The following ANKRD2 variants were observed in gnomAD, a reference collection of about 807,000 sequenced individuals.
ANKRD2 encodes ankyrin repeat domain-containing protein 2.
ANKRD2 carries 35 observed loss-of-function variants against 37.3 expected under a neutral mutation model. The ratio of observed to expected loss-of-function variants is 0.94; its 90% CI spans 0.72 to 1.24. The LOEUF is 1.24. Among genes scored for constraint, ANKRD2 ranks in the 50% most tolerant of loss-of-function variants. The pLI, the probability that ANKRD2 is intolerant of heterozygous loss-of-function variation, is 0.00. For synonymous variants in ANKRD2, 159 were observed against 186.5 expected (o/e 0.85, Z 1.20); for missense variants, 410 against 445.6 (o/e 0.92, Z 0.72).
chr10:97,574,700 G>A (rs987196971), intron 1 of ANKRD2, among the ~76,000 whole-genome samples: 2 of 152,134 alleles, frequency 1.3e-5, no homozygotes. Context: ...ACTGAATGAG[G>A]GGTGAGGAGG....
intron 1 of ANKRD2, among the ~76,000 whole-genome samples, chr10:97,575,541 CG>C (rs2040816834): frequency 6.6e-6 from 1 of 152,104 alleles, no homozygotes; most frequent in African/African-American, 2.4e-5. Context: ...GTTGTCCTGG[CG>C]CATAAGGAGG....
At position 97,580,861 on chromosome 10, in the gene ANKRD2, C is replaced by G. The variant is rs761513950; in HGVS notation, c.463C>G (p.Arg155Gly). 7.5e-6 allele frequency: 12 copies of G among 1,610,094 alleles called. No homozygotes were observed. The Admixed American group carries it at 1.3e-4, about 18-fold the overall frequency. ...ACAGCCTCTCTGGGGACAGTTCCGT[C>G]GGACAGCACTGCACCGAGCTTCCCT... is the stretch of plus-strand genomic sequence containing the variant. ...GSADTCDQFR[R>G]TALHRASLEG... The change falls in exon 5 of 9, where the codon CGG becomes GGG. Residue 155 changes from arginine to glycine, a missense_variant. By Grantham distance (125) the Arg-to-Gly change is moderately radical (BLOSUM62 -2). Coordinates refer to ENST00000370655, the MANE Select transcript of ANKRD2 (RefSeq NM_001346793.2).
At chr10:97,577,493 A>T (rs1312304980) in intron 1 of ANKRD2, among the ~76,000 whole-genome samples, 1 of 152,202 alleles carries the variant, frequency 6.6e-6, no homozygotes, top group Non-Finnish European at 1.5e-5. Flanking sequence ...TGAAAGAGTG[A>T]ATATATTTAA....
At position 97,577,865 on chromosome 10, in the gene ANKRD2, C is replaced by A; in HGVS notation, c.153C>A (p.His51Gln). Residue 51 changes from histidine to glutamine, a missense_variant, in exon 2 of 9, where the codon CAC becomes CAA. By Grantham distance (24) the His-to-Gln change is conservative. Transcript: ENST00000370655. The stretch of plus-strand genomic sequence containing the variant: ...TGCTGGTGCTGGAGGATGAGAAGCA[C>A]CACGGGGCTCAGAGTGCAGCCCTGC... ...MDLLVLEDEK[H>Q]HGAQSAALQK... The A allele has an allele frequency of 6.4e-7, 1 of 1,572,106 alleles. No homozygotes were observed. Among genetic ancestry groups the A allele is most frequent in the African/African-American group, 1.3e-5 (1 of 74,618 alleles).
At chr10:97,574,862 G>A (rs561390579) in intron 1 of ANKRD2, among the ~76,000 whole-genome samples, 1 of 150,276 alleles carries the variant, frequency 6.7e-6, no homozygotes, top group African/African-American at 2.5e-5. Flanking sequence ...TGCCAGGCAG[G>A]TGAGTCATGC....
intron 6 of ANKRD2, among the ~76,000 whole-genome samples, 188 bp downstream of exon 6, chr10:97,581,602 C>T (rs1261314942): frequency 6.6e-6 from 1 of 152,194 alleles, no homozygotes; most frequent in African/African-American, 2.4e-5. Flanking sequence ...CTGCCATCCA[C>T]ACAGGCCCTT....
At chr10:97,577,668 C>A in intron 1 of ANKRD2, 132 bp from the exon 2 acceptor site, 1 of 658,182 alleles carries the variant, frequency 1.5e-6, no homozygotes, top group Non-Finnish European at 2.4e-6. Flanking sequence ...TTGCTGGGGG[C>A]TCCCCAGGAT....
intron 2 of ANKRD2, 92 bp from the exon 3 acceptor site, chr10:97,578,148 A>G: frequency 4.4e-6 from 1 of 227,702 alleles, no homozygotes; most frequent in Non-Finnish European, 8.3e-6. Flanking sequence ...CTTCCTGCCC[A>G]CCCCACCCTC....
chr10:97,572,978 C>A, intron 1 of ANKRD2, 103 bp downstream of exon 1: 7 of 1,425,440 alleles, frequency 4.9e-6, no homozygotes, highest in Non-Finnish European at 6.6e-6. Context: ...GGGAGGGGGG[C>A]AGATGTCCCC....
chr10:97,582,440 C>T (rs771110408), intron 7 of ANKRD2, 27 bp downstream of exon 7: 5 of 1,586,064 alleles, frequency 3.2e-6, no homozygotes, highest in Non-Finnish European at 4.3e-6. Context: ...CCGCTGCTCA[C>T]CCGCCATGGG....
At chr10:97,578,144 G>GGCCCCCCCCCCCCCCCC in intron 2 of ANKRD2, 96 bp from the exon 3 acceptor site, 45 of 685,332 alleles carry the variant, frequency 6.6e-5, no homozygotes, top group East Asian at 1.1e-4. Flanking sequence ...GGGTCTTCCT[G>GGCCCCCCCCCCCCCCCC]CCCACCCCAC....
At chr10:97,575,413 C>T (rs992295239) in intron 1 of ANKRD2, among the ~76,000 whole-genome samples, 49 of 152,166 alleles carry the variant, frequency 3.2e-4, no homozygotes, top group African/African-American at 1.1e-3. Flanking sequence ...ATCATCCATT[C>T]GATCATTCAT....
At chr10:97,582,217 G>A in intron 6 of ANKRD2, 98 bp from the exon 7 acceptor site, 2 of 1,001,126 alleles carry the variant, frequency 2.0e-6, no homozygotes, top group South Asian at 1.5e-5. Flanking sequence ...CTAGGACTTG[G>A]AAGAGGGATT....
intron 3 of ANKRD2, 47 bp downstream of exon 3, chr10:97,578,445 G>A (rs773101791): frequency 1.2e-6 from 2 of 1,607,002 alleles, no homozygotes; most frequent in Admixed American, 3.4e-5. Flanking sequence ...GGGGGAGCCC[G>A]GGAGGCTTCG....
In ANKRD2 at chr10:97,582,656, T is replaced by C. The variant is rs2040916007; in HGVS notation, c.806T>C (p.Ile269Thr). ...GTGAGGCTCAACCGCTACAAAATCA[T>C]CAAACTGCTGCTCCTGCATGGGGCT... Reference protein sequence around the residue: ...DAVRLNRYKIIKLLLLHGADM... With the variant: ...DAVRLNRYKITKLLLLHGADM... Residue 269 changes from isoleucine to threonine, a missense_variant, in exon 8 of 9, where the codon ATC becomes ACC. Coordinates refer to ENST00000370655, the MANE Select transcript of ANKRD2 (RefSeq NM_001346793.2). 1 of 1,613,996 alleles carries C rather than the reference T, an allele frequency of 6.2e-7. No individual in the cohort carries two copies. Among genetic ancestry groups the C allele is most frequent in the African/African-American group, 1.3e-5 (1 of 74,912 alleles).
intron 1 of ANKRD2, among the ~76,000 whole-genome samples, chr10:97,574,191 G>A (rs1473371119): frequency 6.6e-6 from 1 of 152,096 alleles, no homozygotes; most frequent in Non-Finnish European, 1.5e-5. Context: ...GCTGAGGCAG[G>A]AGAATTGCTT....
Position 97,578,361 on chromosome 10 carries a change from C to T in ANKRD2, c.311C>T (p.Ala104Val), listed in dbSNP as rs747247613. The change falls in exon 3 of 9, where the codon GCC becomes GTC. Residue 104 changes from alanine to valine, a missense_variant. Coordinates refer to ENST00000370655, the MANE Select transcript of ANKRD2 (RefSeq NM_001346793.2). ...AAGCAGAAGAAGCGGGACGCTCTGGCCGCCTCGCATGAGCCGCCCCCAGAG... is the reference window on the plus strand; with the variant it reads ...AAGCAGAAGAAGCGGGACGCTCTGGTCGCCTCGCATGAGCCGCCCCCAGAG... Reference protein sequence around the residue: ...KRKQKKRDALAASHEPPPEPE... With the variant: ...KRKQKKRDALVASHEPPPEPE... 1 of 1,613,772 alleles carries T rather than the reference C, an allele frequency of 6.2e-7. No individual in the cohort carries two copies. The highest frequency in any genetic ancestry group is 8.5e-7 in the Non-Finnish European group (1 of 1,179,932).
At chr10:97,579,306 A>ATT (rs2040867835) in intron 4 of ANKRD2, among the ~76,000 whole-genome samples, 3 of 146,248 alleles carry the variant, frequency 2.1e-5, no homozygotes, top group African/African-American at 7.7e-5. Context: ...ATAGTACTGT[A>ATT]CTTTTTTTTT....
chr10:97,576,528 C>A (rs1453744341), intron 1 of ANKRD2, among the ~76,000 whole-genome samples: 2 of 151,494 alleles, frequency 1.3e-5, no homozygotes, highest in African/African-American at 4.9e-5. Flanking sequence ...CTTCACAGAT[C>A]AGTGAAATCT....
Sources: allele counts gnomAD v4.1 joint callset (sites outside exome capture counted in the v4.1 genomes callset), GRCh38; gene constraint gnomAD v4.1.1; transcripts MANE v1.5; gene names NCBI Gene and HGNC (gene_info 2026-07-23, HGNC 2026-07-21).